Variants in SGCZ observed in about 807,000 individuals in gnomAD.
SGCZ encodes sarcoglycan zeta, also known as zeta-sarcoglycan.
In SGCZ, 40 loss-of-function variants were observed where a neutral mutation model predicts 41.3. The ratio of observed to expected loss-of-function variants is 0.97; its 90% confidence interval spans 0.75 to 1.26. SGCZ has a LOEUF of 1.26. SGCZ is among the 50% of genes most tolerant of loss of function. The pLI is 0.00. For missense variants in SGCZ, 552 were observed against 369.8 expected, an observed-to-expected ratio of 1.49 and a Z score of -4.04; for synonymous variants, 206 against 137.5, an observed-to-expected ratio of 1.50 and a Z score of -3.49.
At chr8:14,759,568 C>A (rs2130349337) in intron 1 of SGCZ, among the ~76,000 whole-genome samples, 1 of 152,162 alleles carries the variant, frequency 6.6e-6, no homozygotes, top group South Asian at 2.1e-4. Flanking sequence ...CTAATGATTT[C>A]TTGGTTAGAT....
Position 14,760,423 on chromosome 8 carries a change from T to C in SGCZ, c.40-205497A>G, listed in dbSNP as rs565053936. Among the ~76,000 whole-genome samples the C allele has an allele frequency of 2.0e-5, 3 of 152,352 alleles. No individual in the cohort carries two copies. The East Asian group carries it at 5.8e-4, about 29-fold the overall frequency. On this transcript the variant is annotated intron_variant, in intron 1 of 7. Coordinates refer to ENST00000382080, the MANE Select transcript of SGCZ (RefSeq NM_139167.4). ...AAAATCATAAAAGTATCCACCCTCT[T>C]TGTACAGCCAGATTGGGGGAAAATA...
intron 1 of SGCZ, among the ~76,000 whole-genome samples, chr8:15,184,276 T>G (rs1477242645): frequency 6.6e-6 from 1 of 152,290 alleles, no homozygotes; most frequent in East Asian, 1.9e-4. Context: ...TTTTAAAATT[T>G]TCAATTATAT....
intron 3 of SGCZ, among the ~76,000 whole-genome samples, chr8:14,271,331 G>T (rs936608327): frequency 6.6e-6 from 1 of 152,072 alleles, no homozygotes; most frequent in African/African-American, 2.4e-5. Flanking sequence ...AAAAACTTTA[G>T]ATGAGAATCA....
intron 2 of SGCZ, among the ~76,000 whole-genome samples, chr8:14,551,544 T>TATATA (rs1803845737): frequency 1.1e-3 from 7 of 6,216 alleles, no homozygotes; most frequent in East Asian, 4.6e-3. Flanking sequence ...ATATATATAA[T>TATATA]ATATATAATA....
At chr8:14,906,344 T>C (rs1799120411) in intron 1 of SGCZ, among the ~76,000 whole-genome samples, 1 of 152,084 alleles carries the variant, frequency 6.6e-6, no homozygotes, top group East Asian at 1.9e-4. Flanking sequence ...TAAAAAGAGA[T>C]TATGTTTAAA....
At chr8:14,699,669 G>A (rs1286539908) in intron 1 of SGCZ, among the ~76,000 whole-genome samples, 1 of 151,850 alleles carries the variant, frequency 6.6e-6, no homozygotes, top group African/African-American at 2.4e-5. Context: ...CATCAGGAGA[G>A]TAAAGATACA....
chr8:14,752,644 T>C (rs1170418168), intron 1 of SGCZ, among the ~76,000 whole-genome samples: 1 of 152,070 alleles, frequency 6.6e-6, no homozygotes, highest in Non-Finnish European at 1.5e-5. Context: ...ATTTGCAAAA[T>C]AAATGAACTA....
intron 3 of SGCZ, among the ~76,000 whole-genome samples, chr8:14,307,037 T>C (rs1801372670): frequency 1.3e-5 from 2 of 152,120 alleles, no homozygotes; most frequent in South Asian, 4.1e-4. Context: ...AATTTGCATT[T>C]CAAGAAATGG....
At chr8:14,222,169 TTTG>T (rs1280913408) in intron 4 of SGCZ, among the ~76,000 whole-genome samples, 1 of 151,914 alleles carries the variant, frequency 6.6e-6, no homozygotes, top group Non-Finnish European at 1.5e-5. Context: ...TTGCTGTTTT[TTTG>T]TTTTGTTTTG....
intron 4 of SGCZ, among the ~76,000 whole-genome samples, chr8:14,224,400 G>C (rs1300452358): frequency 6.6e-6 from 1 of 152,154 alleles, no homozygotes; most frequent in African/African-American, 2.4e-5. Context: ...GGCAGACATA[G>C]AGGGAATATC....
intron 1 of SGCZ, among the ~76,000 whole-genome samples, chr8:15,097,717 A>G (rs1235376773): frequency 1.4e-5 from 2 of 140,522 alleles, no homozygotes; most frequent in East Asian, 2.1e-4. Context: ...CGACAGAGTG[A>G]GAGCTTATAA....
intron 2 of SGCZ, among the ~76,000 whole-genome samples, chr8:14,538,240 G>T (rs2117143219): frequency 6.6e-6 from 1 of 151,968 alleles, no homozygotes; most frequent in Middle Eastern, 3.4e-3. Context: ...GAATGCTTTT[G>T]ATGTTTAGTG....
chr8:14,470,804 C>T (rs554819666), intron 2 of SGCZ, among the ~76,000 whole-genome samples: 1 of 152,216 alleles, frequency 6.6e-6, no homozygotes, highest in Admixed American at 6.5e-5. Flanking sequence ...ACTCGAGTTC[C>T]TAGAAAAGAT....
At chr8:14,523,258 G>A (rs2117105204) in intron 2 of SGCZ, among the ~76,000 whole-genome samples, 1 of 152,000 alleles carries the variant, frequency 6.6e-6, no homozygotes, top group East Asian at 1.9e-4. Context: ...TACTTACAGT[G>A]TTCATTCTTA....
chr8:14,574,577 AC>A (rs1804653267), intron 1 of SGCZ, among the ~76,000 whole-genome samples: 1 of 152,054 alleles, frequency 6.6e-6, no homozygotes, highest in Non-Finnish European at 1.5e-5. Flanking sequence ...ATCAGCTCAA[AC>A]CCTTTCTCTC....
chr8:15,122,277 C>G (rs1323479279), intron 1 of SGCZ, among the ~76,000 whole-genome samples: 1 of 151,998 alleles, frequency 6.6e-6, no homozygotes, highest in Non-Finnish European at 1.5e-5. Context: ...GTATGTTGAA[C>G]AGGATCATAA....
At chr8:14,479,923 T>TC (rs1801488081) in intron 2 of SGCZ, among the ~76,000 whole-genome samples, 1 of 24,110 alleles carries the variant, frequency 4.1e-5, no homozygotes, top group African/African-American at 4.9e-5. Context: ...TTTTGTATTT[T>TC]TAGTAAAGAT....
At chr8:15,073,055 C>T (rs981234862) in intron 1 of SGCZ, among the ~76,000 whole-genome samples, 2 of 152,006 alleles carry the variant, frequency 1.3e-5, no homozygotes, top group African/African-American at 2.4e-5. Flanking sequence ...GAGACATGTT[C>T]GGTTTCCTGT....
intron 5 of SGCZ, among the ~76,000 whole-genome samples, chr8:14,154,606 ATTG>A (rs1216302329): frequency 3.3e-5 from 5 of 152,196 alleles, no homozygotes; most frequent in Non-Finnish European, 5.9e-5. Context: ...ATTTTTAAAA[ATTG>A]TTGTATATTC....
Sources: allele counts gnomAD v4.1 joint callset (sites outside exome capture counted in the v4.1 genomes callset), GRCh38; gene constraint gnomAD v4.1.1; transcripts MANE v1.5; gene names NCBI Gene and HGNC (gene_info 2026-07-23, HGNC 2026-07-21).